Variants in DRC8 observed in about 807,000 individuals in gnomAD.
DRC8 encodes dynein regulatory complex protein 8.
At chr1:245,083,401 T>C in the DRC8 span, 1 of 1,584,662 alleles carries the variant, frequency 6.3e-7, no homozygotes, top group South Asian at 1.1e-5. Flanking sequence ...AAGACTGCGG[T>C]AAATACCACG....
chr1:244,980,904 C>T, the DRC8 span, among the ~76,000 whole-genome samples: 2 of 152,102 alleles, frequency 1.3e-5, no homozygotes, highest in African/African-American at 2.4e-5. Flanking sequence ...TGACTGAGGC[C>T]GGGCGTGGTG....
chr1:245,073,460 T>C, the DRC8 span, among the ~76,000 whole-genome samples: 22 of 152,156 alleles, frequency 1.4e-4, no homozygotes, highest in African/African-American at 5.3e-4. Flanking sequence ...TTAACACATA[T>C]ACCACTCTCG....
the DRC8 span, among the ~76,000 whole-genome samples, chr1:244,988,007 C>T: frequency 6.6e-6 from 1 of 151,944 alleles, no homozygotes; most frequent in Admixed American, 6.6e-5. Context: ...TTTGTTCTTT[C>T]GAAATTAAGT....
the DRC8 span, chr1:245,017,370 T>C: frequency 6.5e-7 from 1 of 1,546,004 alleles, no homozygotes; most frequent in Non-Finnish European, 8.7e-7. Flanking sequence ...AAATTACTGA[T>C]ACAAGTCATA....
the DRC8 span, among the ~76,000 whole-genome samples, chr1:244,980,040 TAAAAAAAAAA>T: frequency 0.016 from 541 of 34,742 alleles, 34 homozygotes; most frequent in East Asian, 0.018. Flanking sequence ...CCGTCTCTAC[TAAAAAAAAAA>T]AAAAAAAAAA....
chr1:245,091,597 A>C, the DRC8 span: 4 of 152,204 alleles, frequency 2.6e-5, no homozygotes, highest in Admixed American at 6.5e-5. Flanking sequence ...CTGATGTTCA[A>C]CTTCACATCT....
the DRC8 span, among the ~76,000 whole-genome samples, chr1:245,025,617 TC>T: frequency 3.0e-4 from 45 of 152,316 alleles, no homozygotes; most frequent in African/African-American, 1.1e-3. Flanking sequence ...TCTGTCCTGT[TC>T]CTATGCTTCA....
the DRC8 span, among the ~76,000 whole-genome samples, chr1:245,014,833 G>A: frequency 0.14 from 22,020 of 152,112 alleles, 2,365 homozygotes; most frequent in African/African-American, 0.3. Context: ...AGTACCTGAC[G>A]TAGAACCTGG....
the DRC8 span, among the ~76,000 whole-genome samples, chr1:245,056,391 G>T: frequency 6.6e-6 from 1 of 152,068 alleles, no homozygotes; most frequent in African/African-American, 2.4e-5. Context: ...CGCCTCCTGC[G>T]TTCAAGCGAT....
the DRC8 span, among the ~76,000 whole-genome samples, chr1:244,980,520 C>A: frequency 3.9e-5 from 6 of 151,998 alleles, no homozygotes; most frequent in African/African-American, 1.5e-4. Context: ...AAAGATAAAA[C>A]CCTGAACCAA....
At chr1:244,971,108 C>G in the DRC8 span, 1 of 152,842 alleles carries the variant, frequency 6.5e-6, no homozygotes, top group African/African-American at 2.4e-5. Context: ...GGAGGACGGT[C>G]TGGAGGTCAC....
the DRC8 span, among the ~76,000 whole-genome samples, chr1:245,073,484 T>C: frequency 6.6e-6 from 1 of 152,052 alleles, no homozygotes; most frequent in Non-Finnish European, 1.5e-5. Flanking sequence ...GGATGCTGAT[T>C]GTAGGGGAGG....
chr1:244,975,918 G>C, the DRC8 span, among the ~76,000 whole-genome samples: 1 of 152,030 alleles, frequency 6.6e-6, no homozygotes, highest in African/African-American at 2.4e-5. Context: ...AAATGGGAAA[G>C]AAAGTGTTTG....
the DRC8 span, among the ~76,000 whole-genome samples, chr1:245,086,390 T>TTTTTTAA: frequency 1.2e-3 from 190 of 152,338 alleles, 1 homozygote; most frequent in African/African-American, 4.4e-3. Flanking sequence ...TTCTACAAAT[T>TTTTTTAA]GTTTTTAAGT....
chr1:245,021,050 G>A, the DRC8 span, among the ~76,000 whole-genome samples: 7 of 152,044 alleles, frequency 4.6e-5, no homozygotes, highest in Non-Finnish European at 8.8e-5. Flanking sequence ...TACATTGAAC[G>A]TATGTAAAAC....
chr1:245,024,678 G>T, the DRC8 span, among the ~76,000 whole-genome samples: 1 of 151,658 alleles, frequency 6.6e-6, no homozygotes, highest in African/African-American at 2.4e-5. Flanking sequence ...CTCCTGAGAA[G>T]CTGGGATCAC....
At chr1:245,101,036 C>T in the DRC8 span, among the ~76,000 whole-genome samples, 2 of 152,024 alleles carry the variant, frequency 1.3e-5, no homozygotes, top group Non-Finnish European at 2.9e-5. Context: ...AGGCACCCAC[C>T]ACCACGCCCG....
chr1:245,044,965 TTTAATAATG>T, the DRC8 span, among the ~76,000 whole-genome samples: 2 of 152,032 alleles, frequency 1.3e-5, no homozygotes, highest in South Asian at 4.1e-4. Flanking sequence ...CTTTAATAAT[TTTAATAATG>T]TTAAAAATGG....
chr1:244,970,326 C>CCCTCA, the DRC8 span: 1 of 1,497,076 alleles, frequency 6.7e-7, no homozygotes, highest in Non-Finnish European at 9.0e-7. Flanking sequence ...GCCCCTCCTC[C>CCCTCA]AGGCCAGGCT....
Sources: gnomAD v4.1 joint callset for allele counts (sites outside exome capture counted in the v4.1 genomes callset) on GRCh38, gnomAD v4.1.1 for gene constraint, MANE v1.5 for transcripts, NCBI Gene and HGNC (gene_info 2026-07-23, HGNC 2026-07-21) for gene names.